SPIDR: variants seen among roughly 807,000 people sequenced by gnomAD.
The protein encoded by SPIDR is scaffold protein involved in DNA repair.
SPIDR carries 93 observed loss-of-function variants against 104.6 expected under a neutral mutation model. The observed-to-expected ratio is 0.89, with a 90% CI of 0.75 to 1.06. The LOEUF (loss-of-function observed/expected upper bound fraction) is 1.06. Among genes scored for constraint, SPIDR ranks in the 50% least tolerant of loss-of-function variants. SPIDR has a pLI of 0.00. For missense variants in SPIDR, 1,154 were observed against 1,111.2 expected (o/e 1.04, Z -0.55); for synonymous variants, 431 against 416.9 (o/e 1.03, Z -0.41).
At chr8:47,444,578 A>G (rs1360062226) in intron 8 of SPIDR, among the ~76,000 whole-genome samples, 1 of 152,190 alleles carries the variant, frequency 6.6e-6, no homozygotes, top group African/African-American at 2.4e-5. Flanking sequence ...ACATCCTCTT[A>G]TTTAGAATTG....
chr8:47,346,583 A>G (rs1554618221), intron 5 of SPIDR, among the ~76,000 whole-genome samples: 1 of 152,126 alleles, frequency 6.6e-6, no homozygotes, highest in Admixed American at 6.5e-5. Context: ...TTTGGTTGTG[A>G]ATCTGTCTGG....
intron 10 of SPIDR, among the ~76,000 whole-genome samples, chr8:47,635,723 T>C (rs773017026): frequency 7.2e-5 from 11 of 151,742 alleles, no homozygotes; most frequent in Non-Finnish European, 1.6e-4. Flanking sequence ...CAAGACCCTG[T>C]CTCTAAAAAA....
intron 5 of SPIDR, among the ~76,000 whole-genome samples, chr8:47,365,260 A>G (rs2056970118): frequency 6.6e-6 from 1 of 152,194 alleles, no homozygotes; most frequent in Non-Finnish European, 1.5e-5. Context: ...GGCATGAGAA[A>G]GGATGGAAGC....
rs144742675 is a variant in SPIDR, at chr8:47,609,562, G to A, written c.1544+10366G>A. On this transcript the variant is annotated intron_variant, in intron 10 of 19. Transcript: ENST00000297423. ...GCACTGTTACGTCTTTGTGTGCATA[G>A]CATTTCTTCCTTTGTAGGTGGCAGA... 3.1e-3 allele frequency among the ~76,000 whole-genome samples: 476 copies of A among 152,170 alleles called. 2 individuals are homozygous for A. Among genetic ancestry groups the A allele is most frequent in the African/African-American group, 0.011 (440 of 41,530 alleles).
At chr8:47,697,277 C>A (rs1234336680) in intron 11 of SPIDR, among the ~76,000 whole-genome samples, 3 of 148,912 alleles carry the variant, frequency 2.0e-5, no homozygotes, top group Non-Finnish European at 4.4e-5. Context: ...GAGCGAGAGA[C>A]CCTGTTAAAA....
intron 8 of SPIDR, among the ~76,000 whole-genome samples, chr8:47,517,165 T>C (rs1336852907): frequency 6.6e-6 from 1 of 152,070 alleles, no homozygotes; most frequent in Non-Finnish European, 1.5e-5. Flanking sequence ...TTTGCATTTT[T>C]AATAGTGACA....
chr8:47,565,971 C>CATAT lies in SPIDR; in HGVS notation c.1098-29821_1098-29818dup, dbSNP rs1170408396. ...TGGATAAGAATGTGATATTTATACT[C>CATAT]ATATATATATATATATATATATTTT... On this transcript the variant is annotated intron_variant, in intron 8 of 19. Transcript: ENST00000297423. Among the ~76,000 whole-genome samples the CATAT allele has an allele frequency of 4.8e-3, 200 of 41,444 alleles. 7 individuals carry two copies. The highest frequency in any genetic ancestry group is 0.01 in the African/African-American group (143 of 14,150). The allele number at this position is 41,444 out of a possible 152,430, so 27.2% of individuals were successfully genotyped here.
chr8:47,390,602 A>G (rs1347057513), intron 5 of SPIDR, among the ~76,000 whole-genome samples: 2 of 151,990 alleles, frequency 1.3e-5, no homozygotes, highest in Non-Finnish European at 2.9e-5. Context: ...AAAAAAAAAA[A>G]AACTAAAGAA....
intron 8 of SPIDR, among the ~76,000 whole-genome samples, chr8:47,586,251 A>G (rs999232075): frequency 6.6e-6 from 1 of 152,206 alleles, no homozygotes; most frequent in Non-Finnish European, 1.5e-5. Flanking sequence ...AATGCCCAGG[A>G]GTACAAATGC....
chr8:47,369,057 T>C (rs1469501601), intron 5 of SPIDR, among the ~76,000 whole-genome samples: 5 of 152,200 alleles, frequency 3.3e-5, no homozygotes, highest in Non-Finnish European at 4.4e-5. Context: ...ATTTATTACA[T>C]AGAAACTAGA....
chr8:47,270,601 T>G (rs1341559575), intron 1 of SPIDR, among the ~76,000 whole-genome samples: 2 of 152,192 alleles, frequency 1.3e-5, no homozygotes, highest in Non-Finnish European at 2.9e-5. Context: ...ACTTTTTTTT[T>G]TATATTCTTT....
In SPIDR at chr8:47,437,831, T is replaced by C. The variant is rs1026218008; in HGVS notation, c.878-2492T>C. 7.2e-5 allele frequency among the ~76,000 whole-genome samples: 11 copies of C among 152,258 alleles called. No homozygotes were observed. The South Asian group carries it at 8.3e-4, about 11-fold the overall frequency. On this transcript the variant is annotated intron_variant, in intron 7 of 19. Transcript: ENST00000297423. ...TCAACCATTGTGGAAGTCAGTGTGGTGATTCCTCAGGGATCTAGAACTAGA... is the reference window on the plus strand; with the variant it reads ...TCAACCATTGTGGAAGTCAGTGTGGCGATTCCTCAGGGATCTAGAACTAGA...
chr8:47,295,389 A>G (rs897055307), intron 5 of SPIDR, among the ~76,000 whole-genome samples: 3 of 152,294 alleles, frequency 2.0e-5, no homozygotes, highest in African/African-American at 7.2e-5. Flanking sequence ...TGTGTATTAG[A>G]TTACTAAAGC....
chr8:47,532,583 G>T (rs2086207446), intron 8 of SPIDR, among the ~76,000 whole-genome samples: 1 of 152,118 alleles, frequency 6.6e-6, no homozygotes, highest in South Asian at 2.1e-4. Flanking sequence ...CTCCAAGATG[G>T]CGTAACAGCC....
intron 5 of SPIDR, among the ~76,000 whole-genome samples, chr8:47,371,680 T>G (rs892837834): frequency 5.3e-5 from 8 of 152,202 alleles, no homozygotes; most frequent in Non-Finnish European, 8.8e-5. Flanking sequence ...TGTAATGGTT[T>G]ACTTCTCTGT....
At chr8:47,339,276 A>G (rs2050296408) in intron 5 of SPIDR, among the ~76,000 whole-genome samples, 1 of 152,146 alleles carries the variant, frequency 6.6e-6, no homozygotes, top group Admixed American at 6.6e-5. Flanking sequence ...CTTCTGTTTA[A>G]TTTACTGTGT....
chr8:47,278,869 G>T (rs1372651428), intron 1 of SPIDR, among the ~76,000 whole-genome samples: 1 of 151,998 alleles, frequency 6.6e-6, no homozygotes, highest in African/African-American at 2.4e-5. Flanking sequence ...ATAGAAGGAA[G>T]CAGGATTCAG....
At chr8:47,331,382 A>G (rs1306151543) in intron 5 of SPIDR, among the ~76,000 whole-genome samples, 1 of 152,216 alleles carries the variant, frequency 6.6e-6, no homozygotes, top group African/African-American at 2.4e-5. Context: ...CCTACACTAT[A>G]TGGTTAAGCC....
At chr8:47,553,990 G>A (rs2090963599) in intron 8 of SPIDR, among the ~76,000 whole-genome samples, 1 of 152,194 alleles carries the variant, frequency 6.6e-6, no homozygotes, top group East Asian at 1.9e-4. Context: ...TCAGCTGCAG[G>A]TCTGTTGGAG....
Sources: gnomAD v4.1 joint callset for allele counts (sites outside exome capture counted in the v4.1 genomes callset) on GRCh38, gnomAD v4.1.1 for gene constraint, MANE v1.5 for transcripts, NCBI Gene and HGNC (gene_info 2026-07-23, HGNC 2026-07-21) for gene names.